Variants in FBN1 observed in about 807,000 individuals in gnomAD.
The protein encoded by FBN1 is fibrillin-1.
A neutral mutation model predicts 365.1 loss-of-function variants in FBN1; 29 were observed. That is an observed-to-expected ratio of 0.08 (90% CI 0.06 to 0.11). The LOEUF (loss-of-function observed/expected upper bound fraction) is 0.11, where lower values mean the gene tolerates loss of function less well. FBN1 is among the 10% of genes least tolerant of loss of function. The pLI is 1.00. For missense variants in FBN1, 2,476 were observed against 3,703.2 expected (o/e 0.67, Z 8.60); for synonymous variants, 1,210 against 1,270.5 (o/e 0.95, Z 1.01).
intron 53 of FBN1, 51 bp from the exon 54 acceptor site, chr15:48,434,764 T>C: frequency 6.3e-7 from 1 of 1,598,970 alleles, no homozygotes; most frequent in Non-Finnish European, 8.6e-7. Context: ...AGATAATACC[T>C]TTTATTCTAT....
At chr15:48,617,166 G>GT (rs200193193) in intron 2 of FBN1, among the ~76,000 whole-genome samples, 3,456 of 150,470 alleles carry the variant, frequency 0.023, 110 homozygotes, top group African/African-American at 0.076. Context: ...TGTTTTGGGG[G>GT]TTTTTTTTTG....
chr15:48,465,892 G>A, intron 38 of FBN1, 34 bp from the exon 39 acceptor site: 2 of 1,464,808 alleles, frequency 1.4e-6, no homozygotes, highest in South Asian at 1.1e-5. Flanking sequence ...GAGTTGTTTT[G>A]AATCTAAAGT....
intron 6 of FBN1, among the ~76,000 whole-genome samples, chr15:48,567,992 T>C (rs2044269579): frequency 7.5e-5 from 3 of 39,808 alleles, no homozygotes; most frequent in Non-Finnish European, 1.4e-4. Flanking sequence ...AATTAAAGTA[T>C]ACAGATAAGA....
At position 48,505,012 on chromosome 15, in the gene FBN1, G is replaced by A; in HGVS notation, c.1960+13C>T. On this transcript the variant is annotated intron_variant, in intron 16 of 65. Transcript: ENST00000316623. Reference sequence around the variant, plus strand: ...GAACCTCTCTCATAAGGTTAGCCATGATGTTTTCTTACCAACACACACACG... The same window carrying A: ...GAACCTCTCTCATAAGGTTAGCCATAATGTTTTCTTACCAACACACACACG... 6.2e-7 allele frequency: 1 copy of A among 1,614,090 alleles called. No homozygotes were observed. The highest frequency in any genetic ancestry group is 8.5e-7 in the Non-Finnish European group (1 of 1,179,968).
chr15:48,464,371 C>T (rs562368856), intron 40 of FBN1, among the ~76,000 whole-genome samples: 5 of 152,108 alleles, frequency 3.3e-5, no homozygotes, highest in South Asian at 4.2e-4. Context: ...ATTAGCCAGG[C>T]GTGGTGGTGC....
At chr15:48,558,075 G>C (rs1003312392) in intron 6 of FBN1, among the ~76,000 whole-genome samples, 2 of 152,138 alleles carry the variant, frequency 1.3e-5, no homozygotes, top group African/African-American at 4.8e-5. Context: ...AGTCCTCTCA[G>C]CCAGGCCAAG....
Position 48,463,460 on chromosome 15 carries a change from C to T in FBN1, c.5066-220G>A, listed in dbSNP as rs558466118. 4.6e-5 allele frequency among the ~76,000 whole-genome samples: 7 copies of T among 152,308 alleles called. No individual in the cohort carries two copies. The South Asian group carries it at 1.5e-3, about 32-fold the overall frequency. ...GAAATACATTCCCTGATATTTCATG[C>T]CACAGAACTAAGTCATTATATAGCT... On this transcript the variant is annotated intron_variant, in intron 41 of 65. Transcript: ENST00000316623.
chr15:48,529,160 G>A (rs2043944535), intron 8 of FBN1: 1 of 152,264 alleles, frequency 6.6e-6, no homozygotes, highest in Non-Finnish European at 1.5e-5. Context: ...GACGCTTGCT[G>A]GGGAGTGGTG....
intron 55 of FBN1, among the ~76,000 whole-genome samples, chr15:48,431,693 C>T (rs1308855237): frequency 6.6e-6 from 1 of 151,758 alleles, no homozygotes; most frequent in Non-Finnish European, 1.5e-5. Context: ...CTCACTCCGT[C>T]ATCCAGTCTG....
intron 30 of FBN1, 49 bp from the exon 31 acceptor site, chr15:48,483,992 T>G (rs377718334): frequency 1.3e-6 from 2 of 1,599,994 alleles, no homozygotes; most frequent in East Asian, 2.2e-5. Flanking sequence ...TTGGTTCCAC[T>G]GTTCAGTGAG....
At chr15:48,508,771 A>C (rs2043734176) in intron 14 of FBN1, 67 bp from the exon 15 acceptor site, 2 of 1,572,464 alleles carry the variant, frequency 1.3e-6, no homozygotes, top group African/African-American at 1.3e-5. Context: ...ACCAATCTGG[A>C]TGAAAATAAT....
intron 32 of FBN1, among the ~76,000 whole-genome samples, chr15:48,477,393 C>A (rs897303213): frequency 3.3e-5 from 5 of 152,148 alleles, no homozygotes; most frequent in African/African-American, 1.2e-4. Flanking sequence ...ATATTCAATT[C>A]TCCATTTTGT....
At chr15:48,511,664 C>T (rs2043760309) in intron 13 of FBN1, among the ~76,000 whole-genome samples, 1 of 152,164 alleles carries the variant, frequency 6.6e-6, no homozygotes, top group East Asian at 1.9e-4. Context: ...CCTTTTGGAC[C>T]ATTCTGTGGC....
chr15:48,504,071 G>T, intron 16 of FBN1, 132 bp from the exon 17 acceptor site: 1 of 1,083,330 alleles, frequency 9.2e-7, no homozygotes, highest in East Asian at 2.5e-5. Context: ...CTGATATCGG[G>T]GCTCCATTTG....
At chr15:48,440,902 A>AAT (rs1197746270) in intron 50 of FBN1, among the ~76,000 whole-genome samples, 25 of 147,638 alleles carry the variant, frequency 1.7e-4, no homozygotes, top group Non-Finnish European at 3.4e-4. Context: ...AAAACCATGA[A>AAT]AAAAAAAAAA....
Position 48,430,683 on chromosome 15 carries a change from C to T in FBN1, c.6859G>A (p.Glu2287Lys), listed in dbSNP as rs551736585. The T allele has an allele frequency of 1.9e-6, 3 of 1,613,830 alleles. No individual in the cohort carries two copies. The highest frequency in any genetic ancestry group is 2.5e-6 in the Non-Finnish European group (3 of 1,179,802). ...GGGATCCTCTTACCTACACAGCCTT[C>T]TCCATCAGGTCTCCGCTGATACCCG... ...GPGYQRRPDG[E>K]GCVDENECQT... is the part of the protein sequence containing the mutation. Residue 2287 changes from glutamate to lysine, a missense_variant, in exon 56 of 66, where the codon GAA (glutamate) becomes AAA (lysine). By Grantham distance (56) the Glu-to-Lys change is moderately conservative (BLOSUM62 1). Around this residue, in one of 5 missense-constraint regions of FBN1, gnomAD observed 1,780 missense variants for 2,840.8 expected, o/e 0.63. Coordinates refer to ENST00000316623, the MANE Select transcript of FBN1 (RefSeq NM_000138.5).
At position 48,472,537 on chromosome 15, in the gene FBN1, T is replaced by C; in HGVS notation, c.4336+14A>G. The C allele has an allele frequency of 6.2e-7, 1 of 1,611,994 alleles. No individual in the cohort carries two copies. Among genetic ancestry groups the C allele is most frequent in the East Asian group, 2.2e-5 (1 of 44,802 alleles). On this transcript the variant is annotated intron_variant, in intron 35 of 65. Coordinates refer to ENST00000316623, the MANE Select transcript of FBN1 (RefSeq NM_000138.5). ...AAGCCCAGCAAGGCTCCCAGTGGCT[T>C]CCCCATCAGTTACCTTCACAGGCTT...
chr15:48,549,042 T>C (rs2044120487), intron 6 of FBN1, among the ~76,000 whole-genome samples: 1 of 151,594 alleles, frequency 6.6e-6, no homozygotes, highest in Non-Finnish European at 1.5e-5. Flanking sequence ...AAAGCAAGTG[T>C]TCTTAGGAAC....
intron 18 of FBN1, among the ~76,000 whole-genome samples, chr15:48,498,494 C>A (rs1289313889): frequency 6.6e-6 from 1 of 152,152 alleles, no homozygotes; most frequent in Non-Finnish European, 1.5e-5. Flanking sequence ...ACCAATATTT[C>A]TCTAGCTAAA....
Sources: gnomAD v4.1 joint callset for allele counts (sites outside exome capture counted in the v4.1 genomes callset) on GRCh38, gnomAD v4.1.1 for gene constraint, gnomAD v4.1.1 regional missense constraint, MANE v1.5 for transcripts, NCBI Gene and HGNC (gene_info 2026-07-23, HGNC 2026-07-21) for gene names.